PPP3CA: variants seen among roughly 807,000 people sequenced by gnomAD.
PPP3CA encodes the protein protein phosphatase 3 catalytic subunit alpha.
A neutral mutation model predicts 66.5 loss-of-function variants in PPP3CA; 14 were observed. The observed-to-expected ratio is 0.21, with a 90% confidence interval of 0.14 to 0.33. The LOEUF (loss-of-function observed/expected upper bound fraction) is 0.33, where lower values mean the gene tolerates loss of function less well. Among genes scored for constraint, PPP3CA ranks in the 10% least tolerant of loss-of-function variants. The pLI, the probability that PPP3CA is intolerant of heterozygous loss-of-function variation, is 1.00. For missense variants in PPP3CA, 317 were observed against 639.5 expected (o/e 0.50, Z 5.44); for synonymous variants, 232 against 226.2 (o/e 1.03, Z -0.23).
intron 10 of PPP3CA, among the ~76,000 whole-genome samples, chr4:101,053,929 C>T (rs558349833): frequency 6.6e-6 from 1 of 151,928 alleles, no homozygotes; most frequent in Non-Finnish European, 1.5e-5. Flanking sequence ...AAATTATATC[C>T]CTACTCATCC....
chr4:101,058,307 A>G (rs947350163), intron 10 of PPP3CA, among the ~76,000 whole-genome samples: 14 of 152,208 alleles, frequency 9.2e-5, no homozygotes, highest in African/African-American at 3.4e-4. Flanking sequence ...CTAAGCAGAA[A>G]TAAATTAAAG....
At chr4:101,264,192 A>G (rs1282735973) in intron 1 of PPP3CA, among the ~76,000 whole-genome samples, 2 of 152,226 alleles carry the variant, frequency 1.3e-5, no homozygotes, top group Non-Finnish European at 2.9e-5. Flanking sequence ...TCATTTTCAT[A>G]TCTTTTTCCC....
At chr4:101,085,835 TAC>T (rs60331979) in intron 6 of PPP3CA, among the ~76,000 whole-genome samples, 280 of 143,696 alleles carry the variant, frequency 1.9e-3, no homozygotes, top group African/African-American at 4.8e-3. Context: ...ACTGCGTATA[TAC>T]ACACACACAC....
chr4:101,106,758 T>C (rs991019136), intron 3 of PPP3CA, among the ~76,000 whole-genome samples: 8 of 152,090 alleles, frequency 5.3e-5, no homozygotes, highest in Non-Finnish European at 1.2e-4. Context: ...TTGTTGAATA[T>C]TATGTGGAGA....
At position 101,213,840 on chromosome 4, in the gene PPP3CA, T is replaced by C. The variant is rs528445024; in HGVS notation, c.59-17724A>G. On this transcript the variant is annotated intron_variant, in intron 1 of 13. Transcript: ENST00000394854. ...AAAGCTCGCTATATTAATCTGAAAA[T>C]GCCTGTAAATTGTAGATTATCAAAA... is the stretch of plus-strand genomic sequence containing the variant. Among the ~76,000 whole-genome samples the C allele has an allele frequency of 4.6e-5, 7 of 152,218 alleles. No homozygotes were observed. In the East Asian group the frequency reaches 1.2e-3, roughly 25 times the overall value.
chr4:101,306,745 T>C (rs1728547004), intron 1 of PPP3CA, among the ~76,000 whole-genome samples: 1 of 152,184 alleles, frequency 6.6e-6, no homozygotes, highest in Non-Finnish European at 1.5e-5. Flanking sequence ...TATCGAGCAT[T>C]ACAGACTTAC....
In PPP3CA at chr4:101,079,455, T is replaced by C. The variant is rs1479746789; in HGVS notation, c.955+1077A>G. 2.0e-5 allele frequency among the ~76,000 whole-genome samples: 3 copies of C among 151,092 alleles called. No homozygotes were observed. In the Admixed American group the frequency reaches 2.0e-4, roughly 10 times the overall value. ...GTACAGTGGTGCGAGCTCGGCTCAC[T>C]GCAAGCTCCGCCTCCCGGGTTCACG... On this transcript the variant is annotated intron_variant, in intron 8 of 13. Coordinates refer to ENST00000394854, the MANE Select transcript of PPP3CA (RefSeq NM_000944.5).
intron 1 of PPP3CA, among the ~76,000 whole-genome samples, chr4:101,284,193 A>C (rs1016757654): frequency 6.6e-6 from 1 of 152,136 alleles, no homozygotes; most frequent in Non-Finnish European, 1.5e-5. Flanking sequence ...TGTTTGCTTT[A>C]TATTTGTATC....
intron 1 of PPP3CA, among the ~76,000 whole-genome samples, chr4:101,262,558 G>A (rs1174298319): frequency 6.6e-6 from 1 of 152,080 alleles, no homozygotes; most frequent in Non-Finnish European, 1.5e-5. Flanking sequence ...CTTAGGAAGT[G>A]GCTAGTTTGA....
chr4:101,050,353 A>T (rs997368763), intron 10 of PPP3CA, among the ~76,000 whole-genome samples: 1 of 152,104 alleles, frequency 6.6e-6, no homozygotes, highest in African/African-American at 2.4e-5. Context: ...CTCTTAAGAC[A>T]TATAACTAAA....
intron 10 of PPP3CA, among the ~76,000 whole-genome samples, chr4:101,052,222 A>G (rs993525837): frequency 1.3e-5 from 2 of 152,128 alleles, no homozygotes; most frequent in African/African-American, 2.4e-5. Flanking sequence ...CAAAGATAAA[A>G]GGCCAGATTT....
intron 1 of PPP3CA, among the ~76,000 whole-genome samples, chr4:101,203,129 T>C (rs1319279517): frequency 6.6e-6 from 1 of 152,216 alleles, no homozygotes; most frequent in Admixed American, 6.5e-5. Flanking sequence ...ATATATATTA[T>C]ACCCAGGACT....
Position 101,174,103 on chromosome 4 carries a change from C to A in PPP3CA, c.259+21813G>T, listed in dbSNP as rs528476150. Among the ~76,000 whole-genome samples the A allele has an allele frequency of 2.9e-4, 44 of 151,580 alleles. No individual in the cohort carries two copies. The South Asian group carries it at 8.4e-3, about 29-fold the overall frequency. ...CAAAAACTACGCCCCCCCCACCCCG[C>A]CAGAAAAACAAACTAACAAAAAAAA... is the stretch of plus-strand genomic sequence containing the variant. On this transcript the variant is annotated intron_variant, in intron 2 of 13. Coordinates refer to ENST00000394854, the MANE Select transcript of PPP3CA (RefSeq NM_000944.5).
chr4:101,283,203 G>A (rs576019145), intron 1 of PPP3CA, among the ~76,000 whole-genome samples: 18 of 152,314 alleles, frequency 1.2e-4, no homozygotes, highest in African/African-American at 4.1e-4. Flanking sequence ...CAAACACTTG[G>A]TTTTAACATG....
chr4:101,111,217 A>G (rs1721658958), intron 2 of PPP3CA, among the ~76,000 whole-genome samples: 1 of 152,222 alleles, frequency 6.6e-6, no homozygotes, highest in South Asian at 2.1e-4. Context: ...CAGAAAATAT[A>G]TGGCTGGAAA....
chr4:101,210,601 A>C (rs1725271391), intron 1 of PPP3CA, among the ~76,000 whole-genome samples: 1 of 152,078 alleles, frequency 6.6e-6, no homozygotes, highest in East Asian at 1.9e-4. Flanking sequence ...ACACATCCTA[A>C]TCATCCCTAT....
chr4:101,222,566 A>G (rs1434077461), intron 1 of PPP3CA, among the ~76,000 whole-genome samples: 1 of 151,626 alleles, frequency 6.6e-6, no homozygotes, highest in Non-Finnish European at 1.5e-5. Flanking sequence ...CCAACATTAC[A>G]TATGGAAATC....
intron 1 of PPP3CA, among the ~76,000 whole-genome samples, chr4:101,281,277 G>A (rs1024018530): frequency 6.6e-6 from 1 of 152,202 alleles, no homozygotes; most frequent in Admixed American, 6.5e-5. Flanking sequence ...GTTTTGCTCT[G>A]AAGAGAAATG....
At chr4:101,336,582 G>GAAAAAAAAA (rs534710537) in intron 1 of PPP3CA, among the ~76,000 whole-genome samples, 1 of 98,862 alleles carries the variant, frequency 1.0e-5, no homozygotes, top group Non-Finnish European at 2.4e-5. Context: ...AAAAAAAAAT[G>GAAAAAAAAA]AAAAAAAAAA....
Sources: allele counts gnomAD v4.1 joint callset (sites outside exome capture counted in the v4.1 genomes callset), GRCh38; gene constraint gnomAD v4.1.1; transcripts MANE v1.5; gene names NCBI Gene and HGNC (gene_info 2026-07-23, HGNC 2026-07-21).